SMAD4: variants seen among roughly 807,000 people sequenced by gnomAD.
The protein encoded by SMAD4 is SMAD family member 4.
Under a neutral mutation model 63.2 loss-of-function variants are expected in SMAD4, and 7 were observed. The ratio of observed to expected loss-of-function variants is 0.11; its 90% CI spans 0.06 to 0.21. SMAD4 has a LOEUF of 0.21. SMAD4 is among the 10% of genes least tolerant of loss of function. The pLI is 1.00. For synonymous variants in SMAD4, 215 were observed against 235.4 expected (o/e 0.91, Z 0.79); for missense variants, 312 against 693.8 (o/e 0.45, Z 6.18).
intron 5 of SMAD4, among the ~76,000 whole-genome samples, chr18:51,057,238 TA>T (rs1909869549): frequency 6.6e-6 from 1 of 152,168 alleles, no homozygotes; most frequent in South Asian, 2.1e-4. Context: ...ATGCCAGTTA[TA>T]AATAATTATA....
At chr18:51,039,492 C>T (rs1909309106) in intron 1 of SMAD4, among the ~76,000 whole-genome samples, 2 of 132,600 alleles carry the variant, frequency 1.5e-5, no homozygotes, top group South Asian at 5.6e-4. Flanking sequence ...CCCCCCCACC[C>T]CCCCACCCCC....
At chr18:51,065,768 A>C (rs1910132629) in intron 9 of SMAD4, among the ~76,000 whole-genome samples, 162 bp downstream of exon 9, 1 of 152,208 alleles carries the variant, frequency 6.6e-6, no homozygotes, top group Non-Finnish European at 1.5e-5. Flanking sequence ...ACTCCATCTT[A>C]ATTGTCGGTG....
intron 5 of SMAD4, 127 bp downstream of exon 5, chr18:51,055,120 G>A (rs1417805608): frequency 3.9e-5 from 29 of 749,752 alleles, no homozygotes; most frequent in Non-Finnish European, 6.5e-5. Flanking sequence ...TCTTTCATAG[G>A]TAAACAGGTA....
chr18:51,077,640 AT>A (rs139264364), intron 11 of SMAD4, among the ~76,000 whole-genome samples: 4,269 of 152,250 alleles, frequency 0.028, 94 homozygotes, highest in Middle Eastern at 0.051. Context: ...AGAGAATTTG[AT>A]TTTTTAAAAT....
intron 10 of SMAD4, among the ~76,000 whole-genome samples, chr18:51,076,333 A>G (rs1910470259): frequency 6.6e-6 from 1 of 152,178 alleles, no homozygotes; most frequent in African/African-American, 2.4e-5. Context: ...TCTTAATTGT[A>G]CATTTTACAC....
chr18:51,032,844 T>A (rs1000302096), intron 1 of SMAD4, among the ~76,000 whole-genome samples: 23 of 152,278 alleles, frequency 1.5e-4, no homozygotes, highest in African/African-American at 5.3e-4. Context: ...TTTGCCTATT[T>A]TGGTGAAAAC....
intron 1 of SMAD4, among the ~76,000 whole-genome samples, chr18:51,045,490 T>C (rs1275418421): frequency 6.6e-6 from 1 of 152,214 alleles, no homozygotes; most frequent in African/African-American, 2.4e-5. Context: ...TGGGATCAGA[T>C]AAGTTAGTTT....
chr18:51,051,042 T>C (rs1376496244), intron 4 of SMAD4: 1 of 159,116 alleles, frequency 6.3e-6, no homozygotes, highest in Admixed American at 6.4e-5. Context: ...TTTTTGAAAG[T>C]AAACACGTTT....
rs1046411210 is a variant in SMAD4 at position 51,054,948 on chromosome 18, G to A, written c.622G>A (p.Ala208Thr). The change falls in exon 5 of 12, where the codon GCT becomes ACT. Residue 208 changes from alanine (A) to threonine (T), a missense_variant. Transcript: ENST00000342988. ...TCTGTTAGCCCCATCTGAGTCTAAT[G>A]CTACCAGCACTGCCAACTTTCCCAA... ...PALLAPSESN[A>T]TSTANFPNIP... is the part of the protein sequence containing the mutation. The A allele has an allele frequency of 6.2e-7, 1 of 1,614,018 alleles. No homozygotes were observed. The highest frequency in any genetic ancestry group is 1.3e-5 in the African/African-American group (1 of 74,922).
At chr18:51,061,018 C>T (rs1014569218) in intron 8 of SMAD4, among the ~76,000 whole-genome samples, 7 of 151,890 alleles carry the variant, frequency 4.6e-5, no homozygotes, top group South Asian at 2.1e-4. Context: ...GGATTATAGA[C>T]GTGAGCCACC....
chr18:51,040,593 A>G (rs1195905348), intron 1 of SMAD4, among the ~76,000 whole-genome samples: 4 of 152,186 alleles, frequency 2.6e-5, no homozygotes, highest in African/African-American at 9.7e-5. Context: ...CTCCTTACCT[A>G]AAATACATGA....
chr18:51,062,686 A>T (rs1049963337), intron 8 of SMAD4, among the ~76,000 whole-genome samples: 28 of 149,532 alleles, frequency 1.9e-4, no homozygotes, highest in Non-Finnish European at 5.9e-5. Flanking sequence ...GTTAGTAGAG[A>T]TAGGGTTTCA....
Position 51,042,293 on chromosome 18 carries a change from CTCCCTCCT to C in SMAD4, c.-127-4619_-127-4612del, listed in dbSNP as rs1423172038. ...ATTTTTTTCTTGCCTGCCTGCCTCC[CTCCCTCCT>C]TCCCTCCCTCCCTCCCTCCCTCCCT... On this transcript the variant is annotated intron_variant, in intron 1 of 11. Coordinates refer to ENST00000342988, the MANE Select transcript of SMAD4 (RefSeq NM_005359.6). Among the ~76,000 whole-genome samples the C allele has an allele frequency of 6.9e-3, 477 of 69,024 alleles. 18 individuals are homozygous for C. Among genetic ancestry groups the C allele is most frequent in the African/African-American group, 0.018 (452 of 24,972 alleles). The allele number at this position is 69,024 out of a possible 152,430, so 45.3% of individuals were successfully genotyped here.
chr18:51,051,004 GAC>G (rs1361246849), intron 4 of SMAD4: 1 of 159,318 alleles, frequency 6.3e-6, no homozygotes, highest in Non-Finnish European at 1.4e-5. Context: ...TTGCTACGCA[GAC>G]ATTGATATTG....
intron 4 of SMAD4, among the ~76,000 whole-genome samples, chr18:51,050,680 C>T (rs957472412): frequency 2.0e-5 from 3 of 150,530 alleles, no homozygotes; most frequent in African/African-American, 7.3e-5. Context: ...AAAAAGGAAC[C>T]ACTGTCATCT....
At chr18:51,055,809 G>A (rs1260357505) in intron 5 of SMAD4, among the ~76,000 whole-genome samples, 1 of 151,852 alleles carries the variant, frequency 6.6e-6, no homozygotes, top group Non-Finnish European at 1.5e-5. Context: ...CATCAGAATA[G>A]ATTTTTGACA....
At position 51,078,284 on chromosome 18, in the gene SMAD4, T is replaced by A. The variant is rs2144478143; in HGVS notation, c.1476T>A (p.Val492=). ...TGTCAGCTGCTGCTGGAATTGGTGT[T>A]GATGACCTTCGTCGCTTATGCATAC... The part of the protein sequence containing the change: ...ISLSAAAGIG[V]DDLRRLCILR... Residue 492 remains valine (V), a synonymous_variant, in exon 12 of 12, where the codon GTT becomes GTA. Transcript: ENST00000342988. 6.2e-7 allele frequency: 1 copy of A among 1,614,218 alleles called. No individual in the cohort carries two copies. The highest frequency in any genetic ancestry group is 8.5e-7 in the Non-Finnish European group (1 of 1,180,030).
At position 51,079,312 on chromosome 18, in the gene SMAD4, G is replaced by A; in HGVS notation, c.*845G>A. 4.3e-6 allele frequency: 1 copy of A among 233,314 alleles called. No individual in the cohort carries two copies. 14.5% of individuals were successfully genotyped at this position (233,314 alleles called of 1,614,324 possible). ...TCTTTTCCTTCATTCATAGGGAAAG[G>A]TTTTGTATTTTTTAAAACACTAAAA... On this transcript the variant is annotated 3_prime_UTR_variant, in exon 12 of 12. Coordinates refer to ENST00000342988, the MANE Select transcript of SMAD4 (RefSeq NM_005359.6).
chr18:51,073,452 G>A (rs1290931479), intron 10 of SMAD4, among the ~76,000 whole-genome samples: 1 of 130,874 alleles, frequency 7.6e-6, no homozygotes, highest in Non-Finnish European at 1.6e-5. Flanking sequence ...GGTTAGTGAT[G>A]ATTAAAAAAA....
Sources: allele counts gnomAD v4.1 joint callset (sites outside exome capture counted in the v4.1 genomes callset), GRCh38; gene constraint gnomAD v4.1.1; transcripts MANE v1.5; gene names NCBI Gene and HGNC (gene_info 2026-07-23, HGNC 2026-07-21).